Variants in CHD9 observed in about 807,000 individuals in gnomAD.
CHD9 encodes the protein ATP-dependent chromatin remodeler CHD9.
A neutral mutation model predicts 316.1 loss-of-function variants in CHD9; 77 were observed. The observed-to-expected ratio is 0.24, with a 90% CI of 0.20 to 0.29. The LOEUF is 0.29. CHD9 is among the 10% of genes least tolerant of loss of function. The pLI, the probability that CHD9 is intolerant of heterozygous loss-of-function variation, is 1.00. For synonymous variants in CHD9, 1,129 were observed against 1,158.3 expected (o/e 0.97, Z 0.51); for missense variants, 2,763 against 3,438.1 (o/e 0.80, Z 4.91).
rs59577921 is a variant in CHD9, at chr16:53,146,419, G to GTATGTGTATATATATATATATATA, written c.-164-9504_-164-9503insGTGTATATATATATATATATATAT. Among the ~76,000 whole-genome samples, 5 of 76,714 alleles carry GTATGTGTATATATATATATATATA rather than the reference G, an allele frequency of 6.5e-5. 1 individual carries two copies. The highest frequency in any genetic ancestry group is 7.6e-4 in the South Asian group (2 of 2,638). The allele number at this position is 76,714 out of a possible 152,430, so 50.3% of individuals were successfully genotyped here. A position where few individuals can be genotyped will look rare whatever the true frequency, so the allele number is the denominator to read the frequency against. On this transcript the variant is annotated intron_variant, in intron 1 of 38. Transcript: ENST00000447540. ...AAAAAAAAATTGTGTGTGTGTGTATGTATATATATATATATATAATTAAAA... is the reference window on the plus strand; with the variant it reads ...AAAAAAAAATTGTGTGTGTGTGTATGTATGTGTATATATATATATATATATATATATATATATATATAATTAAAA...
intron 1 of CHD9, among the ~76,000 whole-genome samples, chr16:53,089,687 G>T (rs1172936783): frequency 2.0e-5 from 3 of 152,152 alleles, no homozygotes; most frequent in African/African-American, 7.2e-5. Flanking sequence ...GGACATTTAG[G>T]GTATGGGTTA....
chr16:53,263,360 T>G (rs1180460753), intron 20 of CHD9, among the ~76,000 whole-genome samples: 1 of 152,168 alleles, frequency 6.6e-6, no homozygotes, highest in African/African-American at 2.4e-5. Flanking sequence ...TTTTTTAAAT[T>G]TTTTAATGTC....
At chr16:53,070,421 T>C (rs538040607) in intron 1 of CHD9, among the ~76,000 whole-genome samples, 7 of 152,330 alleles carry the variant, frequency 4.6e-5, no homozygotes, top group Non-Finnish European at 7.4e-5. Context: ...ACTTTTTGTA[T>C]GTCATGTAAG....
At chr16:53,278,525 A>C (rs2053090224) in intron 24 of CHD9, among the ~76,000 whole-genome samples, 1 of 152,210 alleles carries the variant, frequency 6.6e-6, no homozygotes, top group Admixed American at 6.5e-5. Context: ...CTATTCAACA[A>C]ATGGTGCTGG....
intron 3 of CHD9, among the ~76,000 whole-genome samples, chr16:53,216,413 T>G (rs182512347): frequency 1.3e-5 from 2 of 152,318 alleles, no homozygotes; most frequent in Non-Finnish European, 2.9e-5. Context: ...GATAATATAG[T>G]TTCATATTTC....
At chr16:53,130,204 G>T (rs991486818) in intron 1 of CHD9, among the ~76,000 whole-genome samples, 3 of 151,818 alleles carry the variant, frequency 2.0e-5, no homozygotes, top group African/African-American at 7.3e-5. Context: ...TGCAGGTGCT[G>T]GCACCTGGGC....
At chr16:53,218,239 A>G (rs2046944406) in intron 3 of CHD9, among the ~76,000 whole-genome samples, 1 of 152,178 alleles carries the variant, frequency 6.6e-6, no homozygotes, top group Non-Finnish European at 1.5e-5. Flanking sequence ...ATGAAATAAG[A>G]TGCTATTCCA....
intron 1 of CHD9, among the ~76,000 whole-genome samples, chr16:53,119,367 G>T: frequency 7.2e-6 from 1 of 138,136 alleles, no homozygotes. Flanking sequence ...AAAACTCACT[G>T]TTATTTAAAA....
At chr16:53,114,834 G>A (rs542656191) in intron 1 of CHD9, among the ~76,000 whole-genome samples, 1 of 152,008 alleles carries the variant, frequency 6.6e-6, no homozygotes, top group South Asian at 2.1e-4. Context: ...TGATCCGCCC[G>A]CCTCGGCCTC....
chr16:53,120,281 G>A (rs2038642378), intron 1 of CHD9, among the ~76,000 whole-genome samples: 1 of 152,010 alleles, frequency 6.6e-6, no homozygotes, highest in African/African-American at 2.4e-5. Context: ...ACTAGGATGG[G>A]TTTCTTCTGG....
intron 1 of CHD9, among the ~76,000 whole-genome samples, chr16:53,125,764 T>C (rs1435904830): frequency 6.6e-6 from 1 of 152,210 alleles, no homozygotes; most frequent in Admixed American, 6.5e-5. Flanking sequence ...CTACAGTCAA[T>C]GTTCTGAGCA....
Position 53,244,613 on chromosome 16 carries a change from G to T in CHD9, c.3055-723G>T, listed in dbSNP as rs568116413. On this transcript the variant is annotated intron_variant, in intron 13 of 38. Transcript: ENST00000447540. ...AATTATAAATGATGAGCACTCTTTGGTATACAAATTACCATACCAAGAATG... is the reference window on the plus strand; with the variant it reads ...AATTATAAATGATGAGCACTCTTTGTTATACAAATTACCATACCAAGAATG... Among the ~76,000 whole-genome samples, 10 of 152,142 alleles carry T rather than the reference G, an allele frequency of 6.6e-5. No individual in the cohort carries two copies. In the South Asian group the frequency reaches 1.9e-3, roughly 28 times the overall value.
Position 53,156,394 on chromosome 16 carries a change from G to A in CHD9, c.305G>A (p.Cys102Tyr), listed in dbSNP as rs775377875. 2 of 1,613,818 alleles carry A rather than the reference G, an allele frequency of 1.2e-6. No individual in the cohort carries two copies. Among genetic ancestry groups the A allele is most frequent in the Non-Finnish European group, 1.7e-6 (2 of 1,179,892 alleles). The change falls in exon 2 of 39, where the codon TGT becomes TAT. Residue 102 changes from cysteine (C) to tyrosine (Y), a missense_variant. By Grantham distance (194) the Cys-to-Tyr change is radical. Around this residue, in one of 15 missense-constraint regions of CHD9, gnomAD observed 859 missense variants for 890.4 expected, o/e 0.96. Transcript: ENST00000447540. The part of the protein sequence containing the change: ...HVLSPHSQFN[C>Y]SPIHPQNQPN... ...TTATCTCCACACTCTCAGTTTAATT[G>A]TTCTCCAATCCATCCCCAAAACCAA...
chr16:53,299,478 A>C (rs1271410241), intron 30 of CHD9: 1 of 258,998 alleles, frequency 3.9e-6, no homozygotes, highest in Non-Finnish European at 7.6e-6. Flanking sequence ...GCAGTATATC[A>C]GTCTGCGCTC....
chr16:53,099,526 T>A (rs2036658006), intron 1 of CHD9, among the ~76,000 whole-genome samples: 1 of 152,056 alleles, frequency 6.6e-6, no homozygotes, highest in Non-Finnish European at 1.5e-5. Flanking sequence ...TGGAATGGAT[T>A]TGTGTTCCAC....
chr16:53,071,925 A>C (rs548145271), intron 1 of CHD9, among the ~76,000 whole-genome samples: 1 of 152,206 alleles, frequency 6.6e-6, no homozygotes, highest in South Asian at 2.1e-4. Context: ...GGGCTTTCTT[A>C]CCCTCAGGAC....
intron 18 of CHD9, 48 bp from the exon 19 acceptor site, chr16:53,255,552 T>C: frequency 1.9e-6 from 3 of 1,550,826 alleles, no homozygotes; most frequent in Non-Finnish European, 2.6e-6. Flanking sequence ...TTTCTCACTT[T>C]ATGAACTTTA....
At chr16:53,265,569 T>G (rs1356706157) in intron 20 of CHD9, among the ~76,000 whole-genome samples, 1 of 152,184 alleles carries the variant, frequency 6.6e-6, no homozygotes, top group Non-Finnish European at 1.5e-5. Flanking sequence ...GATGATTTAA[T>G]AAATGGTGAT....
intron 20 of CHD9, among the ~76,000 whole-genome samples, chr16:53,266,850 C>A (rs2051746295): frequency 6.6e-6 from 1 of 152,148 alleles, no homozygotes; most frequent in African/African-American, 2.4e-5. Context: ...ATATTCATAA[C>A]CTTTGACCAG....
Sources: gnomAD v4.1 joint callset for allele counts (sites outside exome capture counted in the v4.1 genomes callset) on GRCh38, gnomAD v4.1.1 for gene constraint, gnomAD v4.1.1 regional missense constraint, MANE v1.5 for transcripts, NCBI Gene and HGNC (gene_info 2026-07-23, HGNC 2026-07-21) for gene names.